PARD3B: variants seen among roughly 807,000 people sequenced by gnomAD.
The protein encoded by PARD3B is partitioning defective 3 homolog B.
Under a neutral mutation model 130.2 loss-of-function variants are expected in PARD3B, and 103 were observed. The ratio of observed to expected loss-of-function variants is 0.79; its 90% CI spans 0.67 to 0.93. PARD3B has a LOEUF of 0.93. PARD3B is among the 40% of genes least tolerant of loss of function. The pLI, the probability that PARD3B is intolerant of heterozygous loss-of-function variation, is 0.00. For missense variants in PARD3B, 1,609 were observed against 1,499.2 expected, an observed-to-expected ratio of 1.07 and a Z score of -1.21; for synonymous variants, 583 against 553.2, an observed-to-expected ratio of 1.05 and a Z score of -0.76.
chr2:205,324,287 G>A (rs867967219), intron 18 of PARD3B, among the ~76,000 whole-genome samples: 2 of 152,114 alleles, frequency 1.3e-5, no homozygotes, highest in Non-Finnish European at 2.9e-5. Flanking sequence ...TGTACTTGAA[G>A]TAAGAAGTGG....
At chr2:204,914,428 C>G (rs2125733168) in intron 2 of PARD3B, among the ~76,000 whole-genome samples, 1 of 152,206 alleles carries the variant, frequency 6.6e-6, no homozygotes, top group Non-Finnish European at 1.5e-5. Flanking sequence ...CATTTTAACC[C>G]TTTTCTTCTT....
intron 19 of PARD3B, among the ~76,000 whole-genome samples, chr2:205,419,548 C>T (rs2046895642): frequency 6.6e-6 from 1 of 152,058 alleles, no homozygotes; most frequent in African/African-American, 2.4e-5. Context: ...TCAGTTTTCC[C>T]CCATCTATTG....
chr2:205,296,336 A>G (rs567969608), intron 16 of PARD3B, among the ~76,000 whole-genome samples: 3 of 152,188 alleles, frequency 2.0e-5, no homozygotes, highest in Non-Finnish European at 4.4e-5. Context: ...TATTCAAATC[A>G]TCTGCCTGTG....
Position 205,440,661 on chromosome 2 carries a change from T to G in PARD3B, c.3033T>G (p.Val1011=). The stretch of plus-strand genomic sequence containing the variant: ...TCAACAAGCCATACCATCCACTGGT[T>G]CCAGCTGACAGGTAATAAACTTAGT... ...AKVNKPYHPL[V]PADSGRPTGG... Residue 1011 remains valine (V), a synonymous_variant, in exon 20 of 23, where the codon GTT becomes GTG. Coordinates refer to ENST00000406610, the MANE Select transcript of PARD3B (RefSeq NM_001302769.2). This position sits in a 1 kb window ranked among gnomAD's most constrained non-coding sequence, Gnocchi z 4.2. 1 of 1,612,720 alleles carries G rather than the reference T, an allele frequency of 6.2e-7. No homozygotes were observed. The highest frequency in any genetic ancestry group is 1.1e-5 in the South Asian group (1 of 91,034).
intron 4 of PARD3B, among the ~76,000 whole-genome samples, chr2:205,103,334 T>TTTTTATTTATGTAAAATAAATATAC (rs1702948871): frequency 7.1e-6 from 1 of 141,758 alleles, no homozygotes; most frequent in African/African-American, 2.6e-5. Context: ...AATAAACATA[T>TTTTTATTTATGTAAAATAAATATAC]TTTTATTTAT....
At chr2:204,945,177 A>G (rs946722473) in intron 2 of PARD3B, among the ~76,000 whole-genome samples, 1 of 152,210 alleles carries the variant, frequency 6.6e-6, no homozygotes, top group African/African-American at 2.4e-5. Flanking sequence ...GGAGCTTGAT[A>G]ATGGCAAGGC....
At chr2:205,059,933 T>C (rs1227952182) in intron 4 of PARD3B, among the ~76,000 whole-genome samples, 3 of 152,114 alleles carry the variant, frequency 2.0e-5, no homozygotes, top group Admixed American at 6.6e-5. Context: ...TGTTCAAATA[T>C]ATTATTTCAT....
intron 15 of PARD3B, among the ~76,000 whole-genome samples, chr2:205,226,993 T>C (rs2038586628): frequency 6.6e-6 from 1 of 152,222 alleles, no homozygotes; most frequent in Non-Finnish European, 1.5e-5. Context: ...TCAAAATTTA[T>C]GTCTTTACTG....
intron 2 of PARD3B, among the ~76,000 whole-genome samples, chr2:204,766,139 A>C (rs532533567): frequency 6.6e-6 from 1 of 152,166 alleles, no homozygotes. Context: ...AGTGAAAGCT[A>C]TCTTATAGTA....
chr2:204,696,309 T>G lies in PARD3B; in HGVS notation c.222+10027T>G, dbSNP rs1421112372. On this transcript the variant is annotated intron_variant, in intron 2 of 22. Transcript: ENST00000406610. Reference sequence around the variant, plus strand: ...AAAAAACAGGTCAACAGGACACTGCTCAGTATGGGCAAATAACCACTGAAC... The same window carrying G: ...AAAAAACAGGTCAACAGGACACTGCGCAGTATGGGCAAATAACCACTGAAC... Among the ~76,000 whole-genome samples the G allele has an allele frequency of 5.9e-5, 9 of 152,108 alleles. No individual in the cohort carries two copies. The East Asian group carries it at 1.7e-3, about 30-fold the overall frequency.
At chr2:204,765,675 A>G (rs2041114604) in intron 2 of PARD3B, among the ~76,000 whole-genome samples, 1 of 152,204 alleles carries the variant, frequency 6.6e-6, no homozygotes, top group Non-Finnish European at 1.5e-5. Flanking sequence ...AAGAAGTACC[A>G]TTTAATTTTC....
At chr2:204,591,510 T>C (rs1421606442) in intron 1 of PARD3B, among the ~76,000 whole-genome samples, 1 of 152,234 alleles carries the variant, frequency 6.6e-6, no homozygotes, top group Admixed American at 6.5e-5. Context: ...CTTTCTCTTT[T>C]CTGGACTGAA....
At position 205,455,517 on chromosome 2, in the gene PARD3B, A is replaced by G. The variant is rs564736224; in HGVS notation, c.3044+14845A>G. ...TTGAAGTTGGGTAGGGAATTACAAA[A>G]TGTTCTTAATTCTCAACTTTAGTAG... On this transcript the variant is annotated intron_variant, in intron 20 of 22. Transcript: ENST00000406610. Among the ~76,000 whole-genome samples, 4 of 152,040 alleles carry G rather than the reference A, an allele frequency of 2.6e-5. No individual in the cohort carries two copies. In the East Asian group the frequency reaches 7.7e-4, roughly 29 times the overall value.
chr2:204,958,037 T>G (rs1690420114), intron 2 of PARD3B, among the ~76,000 whole-genome samples: 1 of 152,190 alleles, frequency 6.6e-6, no homozygotes, highest in South Asian at 2.1e-4. Context: ...AAATAAGCCT[T>G]TCTTAGTAAG....
intron 22 of PARD3B, 96 bp from the exon 23 acceptor site, chr2:205,615,359 TG>T: frequency 1.0e-6 from 1 of 984,484 alleles, no homozygotes; most frequent in Non-Finnish European, 1.5e-6. Flanking sequence ...ACCTATGCGG[TG>T]GCCACACCAA....
intron 2 of PARD3B, among the ~76,000 whole-genome samples, chr2:204,910,287 G>A (rs939532623): frequency 6.6e-6 from 1 of 151,968 alleles, no homozygotes; most frequent in African/African-American, 2.4e-5. Context: ...ATGGGTAGCT[G>A]GGCTAAGACC....
At chr2:204,865,133 A>G (rs1358596501) in intron 2 of PARD3B, among the ~76,000 whole-genome samples, 5 of 152,202 alleles carry the variant, frequency 3.3e-5, no homozygotes, top group Non-Finnish European at 5.9e-5. Context: ...AGATGTTGGC[A>G]TAGATGTGGT....
At chr2:204,594,435 T>C (rs534690909) in intron 1 of PARD3B, among the ~76,000 whole-genome samples, 5 of 152,218 alleles carry the variant, frequency 3.3e-5, no homozygotes, top group Non-Finnish European at 5.9e-5. Flanking sequence ...CTAGTGATTA[T>C]GCGTGGAGAA....
intron 4 of PARD3B, among the ~76,000 whole-genome samples, chr2:205,058,296 G>T (rs1489567407): frequency 6.6e-6 from 1 of 151,794 alleles, no homozygotes; most frequent in African/African-American, 2.4e-5. Flanking sequence ...ATACTCTGTT[G>T]TATTTGTATA....
Sources: allele counts gnomAD v4.1 joint callset (sites outside exome capture counted in the v4.1 genomes callset), GRCh38; gene constraint gnomAD v4.1.1; non-coding constraint Gnocchi (gnomAD v3.1); transcripts MANE v1.5; gene names NCBI Gene and HGNC (gene_info 2026-07-23, HGNC 2026-07-21).